Variants in CSMD3 observed in about 807,000 individuals in gnomAD.
CSMD3 encodes the protein CUB and Sushi multiple domains 3, also known as CUB and sushi domain-containing protein 3.
A neutral mutation model predicts 435.2 loss-of-function variants in CSMD3; 177 were observed. The ratio of observed to expected loss-of-function variants is 0.41; its 90% confidence interval spans 0.36 to 0.46. The LOEUF is 0.46. Ranked by LOEUF, CSMD3 falls within the 20% of genes least tolerant of loss-of-function variation. CSMD3 has a pLI of 0.34. For missense variants in CSMD3, 4,265 were observed against 4,504.6 expected, an observed-to-expected ratio of 0.95 and a Z score of 1.52; for synonymous variants, 1,656 against 1,520.5, an observed-to-expected ratio of 1.09 and a Z score of -2.07.
chr8:112,800,042 G>T, intron 13 of CSMD3, 120 bp downstream of exon 13: 1 of 699,424 alleles, frequency 1.4e-6, no homozygotes. Context: ...AATGATCTTT[G>T]TTGAAATGTA....
intron 14 of CSMD3, among the ~76,000 whole-genome samples, chr8:112,689,184 A>C (rs1351666126): frequency 6.6e-6 from 1 of 152,050 alleles, no homozygotes; most frequent in Non-Finnish European, 1.5e-5. Context: ...GAGCAAACAC[A>C]ATATATTGTT....
At chr8:112,987,711 T>C (rs760614482) in intron 6 of CSMD3, among the ~76,000 whole-genome samples, 23 of 152,100 alleles carry the variant, frequency 1.5e-4, no homozygotes, top group Non-Finnish European at 4.4e-5. Context: ...TGTGAGTCAA[T>C]ATGTTATTTA....
At chr8:112,764,784 T>C (rs961717014) in intron 13 of CSMD3, among the ~76,000 whole-genome samples, 21 of 151,710 alleles carry the variant, frequency 1.4e-4, no homozygotes, top group African/African-American at 4.8e-4. Context: ...TTAGCATTAA[T>C]AAGTTTGAAA....
chr8:112,532,388 A>T (rs1020343709), intron 27 of CSMD3, among the ~76,000 whole-genome samples: 12 of 152,172 alleles, frequency 7.9e-5, no homozygotes, highest in African/African-American at 2.9e-4. Context: ...AGCAGAGTCA[A>T]TCAAAATAAC....
chr8:112,241,811 C>T (rs759643865), intron 65 of CSMD3, 26 bp from the exon 66 acceptor site: 34 of 1,511,332 alleles, frequency 2.2e-5, no homozygotes, highest in Non-Finnish European at 3.1e-5. Context: ...AAGGTGTTTA[C>T]AAAAGTTGAT....
chr8:113,322,236 T>A (rs1429454469), intron 1 of CSMD3, among the ~76,000 whole-genome samples: 1 of 152,172 alleles, frequency 6.6e-6, no homozygotes, highest in Non-Finnish European at 1.5e-5. Flanking sequence ...ATAAATTTAT[T>A]ATATATGTAT....
intron 42 of CSMD3, 139 bp from the exon 43 acceptor site, chr8:112,337,870 T>A: frequency 1.6e-6 from 1 of 616,428 alleles, no homozygotes; most frequent in South Asian, 2.1e-5. Context: ...AGGTTTATGA[T>A]AAATGCTGTC....
At chr8:113,316,510 T>G (rs1254660320) in intron 1 of CSMD3, among the ~76,000 whole-genome samples, 1 of 151,902 alleles carries the variant, frequency 6.6e-6, no homozygotes, top group Non-Finnish European at 1.5e-5. Context: ...TAGCACCTTG[T>G]TTTTGCCAGG....
rs750680194 is a variant in CSMD3, at chr8:112,637,002, T to C, written c.3530A>G (p.Tyr1177Cys). 2.5e-6 allele frequency: 4 copies of C among 1,613,318 alleles called. No homozygotes were observed. The South Asian group carries it at 3.3e-5, about 13-fold the overall frequency. ...YEGFNITFSEYNLEPCEDPGI... is the reference protein window; with the variant it reads ...YEGFNITFSECNLEPCEDPGI... ...AGGATCTTCACAAGGTTCAAGGTTA[T>C]ATTCTGTAAATTAGAGAGAAAAATT... The change falls in exon 22 of 71, where the codon TAT (tyrosine) becomes TGT (cysteine). Residue 1177 changes from tyrosine (Y) to cysteine (C), a missense_variant. By Grantham distance (194) the Tyr-to-Cys change is radical. This residue lies in a region of CSMD3 where 3,255 missense variants were observed against 3,380.2 expected (regional missense o/e 0.96). Transcript: ENST00000297405.
intron 1 of CSMD3, among the ~76,000 whole-genome samples, chr8:113,430,749 C>T (rs2094667254): frequency 1.3e-5 from 2 of 152,196 alleles, no homozygotes; most frequent in Non-Finnish European, 2.9e-5. Flanking sequence ...GCCACATAAT[C>T]ACCATTGTTA....
At chr8:113,378,165 GT>G (rs2094397802) in intron 1 of CSMD3, among the ~76,000 whole-genome samples, 1 of 152,018 alleles carries the variant, frequency 6.6e-6, no homozygotes, top group African/African-American at 2.4e-5. Flanking sequence ...TTTATTCTTG[GT>G]ATGACAATTT....
At chr8:112,346,667 TCC>T (rs1825697414) in intron 40 of CSMD3, among the ~76,000 whole-genome samples, 4 of 136,728 alleles carry the variant, frequency 2.9e-5, no homozygotes, top group African/African-American at 1.2e-4. Flanking sequence ...TCCCTCCTTT[TCC>T]TTTTTTTTTT....
chr8:112,548,509 C>T lies in CSMD3; in HGVS notation c.4564+2162G>A, dbSNP rs568732710. Among the ~76,000 whole-genome samples the T allele has an allele frequency of 2.0e-5, 3 of 152,178 alleles. No individual in the cohort carries two copies. In the South Asian group the frequency reaches 6.2e-4, roughly 32 times the overall value. On this transcript the variant is annotated intron_variant, in intron 27 of 70. Coordinates refer to ENST00000297405, the MANE Select transcript of CSMD3 (RefSeq NM_198123.2). Reference sequence around the variant, plus strand: ...GACATGTGAGTTTCAGTTATCACTCCAGGCATCTGCTAGTTGTATGATCTT... The same window carrying T: ...GACATGTGAGTTTCAGTTATCACTCTAGGCATCTGCTAGTTGTATGATCTT...
intron 11 of CSMD3, among the ~76,000 whole-genome samples, chr8:112,830,839 T>C (rs1188413271): frequency 6.6e-6 from 1 of 150,622 alleles, no homozygotes; most frequent in African/African-American, 2.5e-5. Context: ...CAGGCTAGAG[T>C]GCACTGGCGC....
intron 6 of CSMD3, among the ~76,000 whole-genome samples, chr8:112,995,920 C>A (rs1226479428): frequency 6.6e-6 from 1 of 151,366 alleles, no homozygotes; most frequent in Admixed American, 6.6e-5. Context: ...GCCCTTCTAT[C>A]TTAGGAGGTT....
rs766849686 is a variant in CSMD3 at position 112,587,121 on chromosome 8, T to C, written c.3830A>G (p.Lys1277Arg). ...CIYSIQVQAG[K>R]GINISARTFH... ...TGTTCTGGCTGAAATATTGATTCCC[T>C]TTCCTGCTTGAACCTGAATACTATA... Residue 1277 changes from lysine to arginine, a missense_variant, in exon 23 of 71, where the codon AAG (lysine) becomes AGG (arginine). By Grantham distance (26) the Lys-to-Arg change is conservative. Coordinates refer to ENST00000297405, the MANE Select transcript of CSMD3 (RefSeq NM_198123.2). 5.6e-5 allele frequency: 91 copies of C among 1,611,238 alleles called. No homozygotes were observed. The highest frequency in any genetic ancestry group is 7.6e-5 in the Non-Finnish European group (89 of 1,178,106).
At chr8:113,276,448 T>C (rs943910289) in intron 3 of CSMD3, among the ~76,000 whole-genome samples, 1 of 152,050 alleles carries the variant, frequency 6.6e-6, no homozygotes, top group South Asian at 2.1e-4. Context: ...GTATGAGGCC[T>C]CTACGTGAAG....
chr8:113,239,274 A>C (rs2093184861), intron 3 of CSMD3, among the ~76,000 whole-genome samples: 1 of 152,026 alleles, frequency 6.6e-6, no homozygotes, highest in Non-Finnish European at 1.5e-5. Flanking sequence ...TAGCCTCCAT[A>C]ATCATGTGAG....
rs766902659 is a variant in CSMD3, at chr8:112,295,861, A to T, written c.8586T>A (p.Asn2862Lys). ...CACAGGATGGGAGCTGACCAGACCA[A>T]TTGTGATCCTGTTGACATATCCTCA... ...SSVRICQQDH[N>K]WSGQLPSCVP... Residue 2862 changes from asparagine (N) to lysine (K), a missense_variant, in exon 54 of 71, where the codon AAT becomes AAA. Asn to Lys is a moderately conservative substitution (Grantham distance 94). Around this residue, in one of 3 missense-constraint regions of CSMD3, gnomAD observed 3,255 missense variants for 3,380.2 expected, o/e 0.96. Coordinates refer to ENST00000297405, the MANE Select transcript of CSMD3 (RefSeq NM_198123.2). The T allele has an allele frequency of 5.9e-5, 95 of 1,613,902 alleles. No individual in the cohort carries two copies. The highest frequency in any genetic ancestry group is 7.9e-5 in the Non-Finnish European group (93 of 1,179,988).
Sources: allele counts gnomAD v4.1 joint callset (sites outside exome capture counted in the v4.1 genomes callset), GRCh38; gene constraint gnomAD v4.1.1; regional missense constraint gnomAD v4.1.1; transcripts MANE v1.5; gene names NCBI Gene and HGNC (gene_info 2026-07-23, HGNC 2026-07-21).